The following TRAPPC9 variants were observed in gnomAD, a reference collection of about 807,000 sequenced individuals.
The protein encoded by TRAPPC9 is IKK2 binding protein.
TRAPPC9 carries 83 observed loss-of-function variants against 124.0 expected under a neutral mutation model. The observed-to-expected ratio is 0.67, with a 90% CI of 0.56 to 0.80. The LOEUF is 0.80. Among genes scored for constraint, TRAPPC9 ranks in the 30% least tolerant of loss-of-function variants. TRAPPC9 has a pLI of 0.00. For missense variants in TRAPPC9, 1,302 were observed against 1,508.3 expected, an observed-to-expected ratio of 0.86 and a Z score of 2.27; for synonymous variants, 638 against 617.5, an observed-to-expected ratio of 1.03 and a Z score of -0.49.
intron 17 of TRAPPC9, among the ~76,000 whole-genome samples, chr8:140,156,429 G>C (rs545910908): frequency 1.2e-4 from 19 of 152,156 alleles, no homozygotes; most frequent in Non-Finnish European, 2.2e-4. Context: ...GGATACAAAA[G>C]TACTCTGTGA....
intron 5 of TRAPPC9, among the ~76,000 whole-genome samples, chr8:140,425,558 C>CCA (rs1564015794): frequency 2.0e-5 from 3 of 152,150 alleles, no homozygotes; most frequent in African/African-American, 7.2e-5. Flanking sequence ...TTTCTTATAG[C>CCA]TCTAAGCTAC....
intron 7 of TRAPPC9, among the ~76,000 whole-genome samples, chr8:140,388,058 T>A (rs1238601181): frequency 6.6e-6 from 1 of 151,502 alleles, no homozygotes; most frequent in Non-Finnish European, 1.5e-5. Context: ...AAAGGATGAG[T>A]TCATGTCCTT....
chr8:139,913,634 T>C (rs1831903301), intron 19 of TRAPPC9, among the ~76,000 whole-genome samples: 1 of 152,154 alleles, frequency 6.6e-6, no homozygotes, highest in African/African-American at 2.4e-5. Context: ...TTCCCACATT[T>C]ACAATTGCCT....
intron 7 of TRAPPC9, among the ~76,000 whole-genome samples, chr8:140,379,018 T>C (rs1277613451): frequency 1.3e-5 from 2 of 152,204 alleles, no homozygotes; most frequent in Non-Finnish European, 2.9e-5. Flanking sequence ...ACCACTATAT[T>C]GTCAAAACAA....
chr8:140,429,652 G>A (rs2070561836), intron 4 of TRAPPC9, among the ~76,000 whole-genome samples: 1 of 150,864 alleles, frequency 6.6e-6, no homozygotes, highest in Admixed American at 6.6e-5. Context: ...CTAAAAATAC[G>A]AAAATTAGCT....
intron 17 of TRAPPC9, among the ~76,000 whole-genome samples, chr8:140,203,115 T>A (rs988026407): frequency 6.6e-6 from 1 of 152,140 alleles, no homozygotes; most frequent in African/African-American, 2.4e-5. Flanking sequence ...GGGGATCAAA[T>A]GGGAGAAATT....
At chr8:140,266,090 A>T (rs2064642724) in intron 15 of TRAPPC9, among the ~76,000 whole-genome samples, 1 of 152,210 alleles carries the variant, frequency 6.6e-6, no homozygotes, top group South Asian at 2.1e-4. Flanking sequence ...TCTTAATTTC[A>T]GCTTTATTAC....
intron 17 of TRAPPC9, among the ~76,000 whole-genome samples, chr8:140,043,810 A>T (rs1841413354): frequency 6.6e-6 from 1 of 152,208 alleles, no homozygotes; most frequent in African/African-American, 2.4e-5. Flanking sequence ...GATACAGGCA[A>T]GTTCCCTAAT....
At chr8:139,763,030 G>A (rs556048907) in intron 21 of TRAPPC9, among the ~76,000 whole-genome samples, 1 of 152,192 alleles carries the variant, frequency 6.6e-6, no homozygotes, top group Non-Finnish European at 1.5e-5. Flanking sequence ...AGTGGGGTAC[G>A]GGTCTCTGCT....
intron 18 of TRAPPC9, among the ~76,000 whole-genome samples, chr8:139,999,530 TAA>T (rs947811671): frequency 6.6e-6 from 1 of 151,828 alleles, no homozygotes; most frequent in Non-Finnish European, 1.5e-5. Flanking sequence ...ATGAAATCAA[TAA>T]AGACATAAAA....
At chr8:140,024,901 C>T (rs923319359) in intron 17 of TRAPPC9, among the ~76,000 whole-genome samples, 3 of 152,210 alleles carry the variant, frequency 2.0e-5, no homozygotes, top group African/African-American at 7.2e-5. Context: ...CGACAAACTC[C>T]ACACTCAGGA....
intron 8 of TRAPPC9, among the ~76,000 whole-genome samples, chr8:140,363,764 A>G (rs542788487): frequency 5.9e-5 from 9 of 151,884 alleles, no homozygotes; most frequent in Admixed American, 5.2e-4. Context: ...TGCCTGGCTA[A>G]TTTTTGAATT....
chr8:140,289,870 C>T (rs1192728512), intron 12 of TRAPPC9, among the ~76,000 whole-genome samples: 1 of 152,188 alleles, frequency 6.6e-6, no homozygotes, highest in Non-Finnish European at 1.5e-5. Flanking sequence ...GAGCGCACCT[C>T]GAGACTACAA....
intron 17 of TRAPPC9, among the ~76,000 whole-genome samples, chr8:140,093,005 T>C (rs1330410566): frequency 2.0e-5 from 3 of 151,134 alleles, no homozygotes; most frequent in African/African-American, 7.3e-5. Context: ...ACTTAGCACA[T>C]GGCCTAATGC....
At chr8:140,306,197 G>A (rs1230633475) in intron 10 of TRAPPC9, among the ~76,000 whole-genome samples, 1 of 152,032 alleles carries the variant, frequency 6.6e-6, no homozygotes, top group Non-Finnish European at 1.5e-5. Flanking sequence ...AAGTGCTGGA[G>A]GCTAAAGAAT....
chr8:139,918,462 T>G (rs1832289234), intron 19 of TRAPPC9, among the ~76,000 whole-genome samples: 1 of 152,168 alleles, frequency 6.6e-6, no homozygotes, highest in Non-Finnish European at 1.5e-5. Flanking sequence ...CACAGAGAGG[T>G]GCACTGAGTT....
intron 17 of TRAPPC9, among the ~76,000 whole-genome samples, chr8:140,110,133 C>A (rs980943163): frequency 6.4e-5 from 9 of 140,304 alleles, no homozygotes; most frequent in African/African-American, 2.8e-4. Flanking sequence ...CCCTAGACTG[C>A]CAGGCTCTGC....
rs2063187108 is a variant in TRAPPC9 at position 140,216,127 on chromosome 8, CA to C, written c.2556+5331del. 6.6e-6 allele frequency: 1 copy of C among 152,186 alleles called. No individual in the cohort carries two copies. The highest frequency in any genetic ancestry group is 2.1e-4 in the South Asian group (1 of 4,818). 9.4% of individuals were successfully genotyped at this position (152,186 alleles called of 1,614,324 possible). On this transcript the variant is annotated intron_variant, in intron 17 of 22. Transcript: ENST00000438773. The surrounding 1 kb of genome is among the most constrained non-coding windows in gnomAD (Gnocchi z 4.1). The stretch of plus-strand genomic sequence containing the variant: ...GTGGGTAACTTGGAGAGTGTGACAT[CA>C]CCTCAAGGAGCCTCAGTTTTCTCCT...
intron 8 of TRAPPC9, among the ~76,000 whole-genome samples, chr8:140,368,246 C>A (rs1161693689): frequency 2.6e-5 from 4 of 152,152 alleles, no homozygotes; most frequent in Non-Finnish European, 5.9e-5. Context: ...GAGTTCAGGA[C>A]CCTCTCCAGC....
Sources: gnomAD v4.1 joint callset for allele counts (sites outside exome capture counted in the v4.1 genomes callset) on GRCh38, gnomAD v4.1.1 for gene constraint, Gnocchi (gnomAD v3.1) non-coding constraint, MANE v1.5 for transcripts, NCBI Gene and HGNC (gene_info 2026-07-23, HGNC 2026-07-21) for gene names.